The following DHX8 variants were observed in gnomAD, a reference collection of about 807,000 sequenced individuals.
DHX8 encodes the protein DEAH-box helicase 8, also known as ATP-dependent RNA helicase DHX8.
A neutral mutation model predicts 140.7 loss-of-function variants in DHX8; 67 were observed. The observed-to-expected ratio is 0.48, with a 90% CI of 0.39 to 0.58. The LOEUF (loss-of-function observed/expected upper bound fraction) is 0.58. Among genes scored for constraint, DHX8 ranks in the 20% least tolerant of loss-of-function variants. The pLI is 0.00. For missense variants in DHX8, 887 were observed against 1,550.7 expected (o/e 0.57, Z 7.19); for synonymous variants, 533 against 553.2 (o/e 0.96, Z 0.51).
At chr17:43,511,456 A>ATTGTTTTTTTTTTTTTTTT (rs1969821932) in intron 16 of DHX8, among the ~76,000 whole-genome samples, 1 of 56,790 alleles carries the variant, frequency 1.8e-5, no homozygotes, top group African/African-American at 7.7e-5. Flanking sequence ...TGATCCCAGC[A>ATTGTTTTTTTTTTTTTTTT]TTTTTTTTTT....
At chr17:43,508,076 A>G (rs997587897) in intron 15 of DHX8, 57 bp downstream of exon 15, 57 of 1,526,330 alleles carry the variant, frequency 3.7e-5, no homozygotes, top group Admixed American at 1.8e-4. Flanking sequence ...TCTTAGGCCA[A>G]AAGTCCTCAT....
chr17:43,511,688 T>C (rs1969847582), intron 16 of DHX8, among the ~76,000 whole-genome samples: 1 of 150,388 alleles, frequency 6.6e-6, no homozygotes, highest in East Asian at 2.0e-4. Context: ...GAACTCCTGA[T>C]CTCAGATGAT....
Position 43,525,409 on chromosome 17 carries a change from G to A in DHX8, c.*1562G>A. On this transcript the variant is annotated 3_prime_UTR_variant, in exon 23 of 23. Coordinates refer to ENST00000262415, the MANE Select transcript of DHX8 (RefSeq NM_004941.3). ...CAATTCAGAAAGAGTCCGAGGGAGA[G>A]GAATATAGGCCAGGCAATCTGCTGG... The A allele has an allele frequency of 1.1e-5, 11 of 982,578 alleles. No individual in the cohort carries two copies. Among genetic ancestry groups the A allele is most frequent in the Non-Finnish European group, 1.3e-5 (11 of 827,332 alleles). The allele number at this position is 982,578 out of a possible 1,614,324, so 60.9% of individuals were successfully genotyped here. A position where few individuals can be genotyped will look rare whatever the true frequency, so the allele number is the denominator to read the frequency against.
At chr17:43,529,222 C>T (rs1970757174), downstream of DHX8, 4 of 1,614,042 alleles carry the variant, frequency 2.5e-6, no homozygotes, top group Non-Finnish European at 3.4e-6. Context: ...TCTGGATGCC[C>T]CAGAGCCTGG....
rs765066483 is a variant in DHX8, at chr17:43,532,745, A to T, written c.351-3667A>T. Reference sequence around the variant, plus strand: ...CGCCCCTGGGTACCTGTGCCCATTGACCCCACCCTGGTCCACGGCTGGCTG... The same window carrying T: ...CGCCCCTGGGTACCTGTGCCCATTGTCCCCACCCTGGTCCACGGCTGGCTG... On this transcript the variant is annotated intron_variant, in intron 2 of 3. Coordinates refer to the DHX8 transcript ENST00000589898. 3.1e-6 allele frequency: 5 copies of T among 1,613,612 alleles called. No homozygotes were observed. The African/African-American group carries it at 5.4e-5, about 17-fold the overall frequency.
At chr17:43,486,035 A>G (rs1169820888) in intron 1 of DHX8, among the ~76,000 whole-genome samples, 4 of 141,254 alleles carry the variant, frequency 2.8e-5, no homozygotes, top group Non-Finnish European at 4.6e-5. Flanking sequence ...CATTTCTACT[A>G]AAAAAAAAAA....
intron 12 of DHX8, 115 bp from the exon 13 acceptor site, chr17:43,506,888 A>G: frequency 1.4e-6 from 1 of 734,328 alleles, no homozygotes; most frequent in East Asian, 2.9e-5. Context: ...GAATATAGTA[A>G]TTATTTTATT....
chr17:43,512,348 C>G (rs1424859311), intron 16 of DHX8, among the ~76,000 whole-genome samples: 1 of 147,212 alleles, frequency 6.8e-6, no homozygotes, highest in Non-Finnish European at 1.5e-5. Context: ...GATTGCACCA[C>G]TGCACTCCAG....
chr17:43,492,762 T>C lies in DHX8; in HGVS notation c.585T>C (p.Asp195=). 6.2e-7 allele frequency: 1 copy of C among 1,612,496 alleles called. No homozygotes were observed. Among genetic ancestry groups the C allele is most frequent in the East Asian group, 2.2e-5 (1 of 44,828 alleles). ...ACAGAGATAGGGAACGAAACCGAGA[T>C]AGAGACCACAAGCGGAGACACCGAT... The part of the protein sequence containing the change: ...DRDRDRERNR[D]RDHKRRHRSR... Residue 195 remains aspartate (D), a synonymous_variant, in exon 6 of 23, where the codon GAT becomes GAC. Transcript: ENST00000262415.
intron 16 of DHX8, among the ~76,000 whole-genome samples, chr17:43,512,829 C>T (rs1269156042): frequency 2.0e-5 from 3 of 152,168 alleles, no homozygotes; most frequent in South Asian, 4.1e-4. Flanking sequence ...GCTACACACA[C>T]GCAAACTGTG....
Position 43,524,663 on chromosome 17 carries a change from A to G in DHX8, c.*816A>G, listed in dbSNP as rs1970543957. Reference sequence around the variant, plus strand: ...TGCTCCCTCCACCTCCCACATTCGCAATGTGCAGCATGTCCCATTTCCTTT... The same window carrying G: ...TGCTCCCTCCACCTCCCACATTCGCGATGTGCAGCATGTCCCATTTCCTTT... On this transcript the variant is annotated 3_prime_UTR_variant, in exon 23 of 23. Transcript: ENST00000262415. 1 of 985,330 alleles carries G rather than the reference A, an allele frequency of 1.0e-6. No individual in the cohort carries two copies. The highest frequency in any genetic ancestry group is 6.2e-5 in the Admixed American group (1 of 16,260). 61.0% of individuals were successfully genotyped at this position (985,330 alleles called of 1,614,324 possible).
chr17:43,526,405 T>C, downstream of DHX8: 1 of 1,522,674 alleles, frequency 6.6e-7, no homozygotes, highest in Non-Finnish European at 8.8e-7. Context: ...CTATGGGGCA[T>C]GTGTGAGCTC....
downstream of DHX8, chr17:43,529,972 G>T (rs1970813751): frequency 1.2e-6 from 2 of 1,613,978 alleles, no homozygotes; most frequent in South Asian, 1.1e-5. Flanking sequence ...GAAATTGGGG[G>T]TTGCTCAGAT....
chr17:43,492,417 G>C (rs1968576484), intron 5 of DHX8, 125 bp downstream of exon 5: 1 of 710,182 alleles, frequency 1.4e-6, no homozygotes, highest in African/African-American at 1.8e-5. Context: ...CATATTGTTG[G>C]ATCTGTTTTC....
intron 3 of DHX8, among the ~76,000 whole-genome samples, chr17:43,541,790 G>C (rs1451480351): frequency 6.6e-6 from 1 of 152,128 alleles, no homozygotes; most frequent in African/African-American, 2.4e-5. Context: ...GAAGGAACCA[G>C]TTCACTAGTT....
At chr17:43,533,802 G>A in intron 2 of DHX8, 1 of 1,589,292 alleles carries the variant, frequency 6.3e-7, no homozygotes, top group Non-Finnish European at 8.5e-7. Context: ...GGTGCCCCCT[G>A]CCTCCCTCCT....
intron 16 of DHX8, among the ~76,000 whole-genome samples, chr17:43,510,374 T>G (rs1969753576): frequency 6.6e-6 from 1 of 152,184 alleles, no homozygotes; most frequent in African/African-American, 2.4e-5. Context: ...AAGTGTACAG[T>G]TCAAAGGCTT....
At chr17:43,517,646 C>T (rs1034447968) in intron 18 of DHX8, 9 of 231,142 alleles carry the variant, frequency 3.9e-5, no homozygotes, top group African/African-American at 1.6e-4. Context: ...CACACCTAAC[C>T]TCAACCACTT....
intron 4 of DHX8, among the ~76,000 whole-genome samples, chr17:43,491,818 T>A (rs1236687262): frequency 6.6e-6 from 1 of 152,114 alleles, no homozygotes; most frequent in Non-Finnish European, 1.5e-5. Flanking sequence ...AAGGGCTATT[T>A]AAAAAAATAA....
Sources: gnomAD v4.1 joint callset for allele counts (sites outside exome capture counted in the v4.1 genomes callset) on GRCh38, gnomAD v4.1.1 for gene constraint, MANE v1.5 for transcripts, NCBI Gene and HGNC (gene_info 2026-07-23, HGNC 2026-07-21) for gene names.